The following MICAL2 variants were observed in gnomAD, a reference collection of about 807,000 sequenced individuals.
The protein encoded by MICAL2 is [F-actin]-monooxygenase MICAL2.
In MICAL2, 77 loss-of-function variants were observed where a neutral mutation model predicts 127.3. The ratio of observed to expected loss-of-function variants is 0.60; its 90% CI spans 0.50 to 0.73. The LOEUF (loss-of-function observed/expected upper bound fraction) is 0.73, where lower values mean the gene tolerates loss of function less well. MICAL2 is among the 30% of genes least tolerant of loss of function. The pLI, the probability that MICAL2 is intolerant of heterozygous loss-of-function variation, is 0.00. For missense variants in MICAL2, 1,351 were observed against 1,434.4 expected (o/e 0.94, Z 0.94); for synonymous variants, 570 against 551.1 (o/e 1.03, Z -0.48).
chr11:12,284,600 T>C (rs891931464), intron 2 of MICAL2, among the ~76,000 whole-genome samples: 1 of 152,118 alleles, frequency 6.6e-6, no homozygotes, highest in African/African-American at 2.4e-5. Flanking sequence ...GAAGAAGCAA[T>C]TAGAGCTTTA....
At chr11:12,191,810 A>G (rs998933109) in intron 3 of MICAL2, among the ~76,000 whole-genome samples, 1 of 152,118 alleles carries the variant, frequency 6.6e-6, no homozygotes, top group African/African-American at 2.4e-5. Flanking sequence ...GGTTATGATA[A>G]GCACCATGCA....
intron 15 of MICAL2, among the ~76,000 whole-genome samples, chr11:12,230,536 C>G (rs2134369499): frequency 6.6e-6 from 1 of 152,290 alleles, no homozygotes; most frequent in East Asian, 1.9e-4. Flanking sequence ...TTCCTCCCTG[C>G]CCCTCCCTAA....
At chr11:12,295,454 T>TTTTC (rs1863974994), downstream of MICAL2, among the ~76,000 whole-genome samples, 1 of 101,586 alleles carries the variant, frequency 9.8e-6, no homozygotes, top group Admixed American at 9.9e-5. Flanking sequence ...TTTTTTTTTT[T>TTTTC]TTTCTTTTTT....
At chr11:12,132,891 G>A (rs928127040) in intron 1 of MICAL2, among the ~76,000 whole-genome samples, 2 of 152,152 alleles carry the variant, frequency 1.3e-5, no homozygotes, top group African/African-American at 4.8e-5. Context: ...TACTCCACTG[G>A]TTATTTAGTT....
intron 15 of MICAL2, 80 bp from the exon 16 acceptor site, chr11:12,236,097 C>T (rs943742863): frequency 2.3e-5 from 28 of 1,244,076 alleles, no homozygotes; most frequent in Admixed American, 6.8e-5. Flanking sequence ...TCAAAGCCAG[C>T]CCTATGCCCT....
chr11:12,131,812 T>G (rs1474031224), intron 1 of MICAL2, among the ~76,000 whole-genome samples: 1 of 152,184 alleles, frequency 6.6e-6, no homozygotes, highest in Non-Finnish European at 1.5e-5. Flanking sequence ...AGTCTCATTT[T>G]CTCATTTGAG....
chr11:12,307,968 C>T (rs1864132227), intron 29 of MICAL2: 1 of 152,284 alleles, frequency 6.6e-6, no homozygotes. Flanking sequence ...CTACAGCCTC[C>T]AACTCCTGGG....
At chr11:12,155,424 A>G (rs1311689513) in intron 2 of MICAL2, among the ~76,000 whole-genome samples, 1 of 152,212 alleles carries the variant, frequency 6.6e-6, no homozygotes, top group East Asian at 1.9e-4. Flanking sequence ...CCATATATAC[A>G]CAAACATGCA....
At chr11:12,221,594 G>C (rs1457561623) in intron 9 of MICAL2, 50 bp from the exon 10 acceptor site, 1 of 1,317,800 alleles carries the variant, frequency 7.6e-7, no homozygotes, top group Non-Finnish European at 1.1e-6. Flanking sequence ...TGAGATCATA[G>C]ATCGGGAGTC....
At chr11:12,288,689 G>C (rs1863857081), downstream of MICAL2, among the ~76,000 whole-genome samples, 2 of 152,212 alleles carry the variant, frequency 1.3e-5, no homozygotes, top group South Asian at 4.1e-4. Flanking sequence ...CTGAATCAAT[G>C]AATGAAGTAA....
chr11:12,147,891 G>A (rs999247351), intron 2 of MICAL2, among the ~76,000 whole-genome samples: 2 of 152,170 alleles, frequency 1.3e-5, no homozygotes, highest in Non-Finnish European at 2.9e-5. Flanking sequence ...TCGGGAACAG[G>A]CCCAGGAAAC....
At chr11:12,330,822 G>GAGAGAGAGAGAGAGA (rs1555022632) in intron 32 of MICAL2, among the ~76,000 whole-genome samples, 3 of 129,518 alleles carry the variant, frequency 2.3e-5, no homozygotes, top group Admixed American at 1.6e-4. Flanking sequence ...AGAGAGAGAG[G>GAGAGAGAGAGAGAGA]GAGAGACAGA....
intron 3 of MICAL2, among the ~76,000 whole-genome samples, chr11:12,179,004 C>T (rs1242482386): frequency 1.3e-5 from 2 of 152,196 alleles, no homozygotes; most frequent in Non-Finnish European, 2.9e-5. Flanking sequence ...TCACACCTGC[C>T]AGCCTCTGGG....
intron 1 of MICAL2, chr11:12,276,365 A>G (rs1247085562): frequency 2.6e-6 from 1 of 391,884 alleles, no homozygotes; most frequent in African/African-American, 2.1e-5. Context: ...TGTTAAGTGT[A>G]TAGAACAGTG....
intron 22 of MICAL2, chr11:12,253,512 A>G (rs1410876324): frequency 6.6e-6 from 1 of 152,154 alleles, no homozygotes; most frequent in Non-Finnish European, 1.5e-5. Flanking sequence ...AGCAAGGTAT[A>G]AGAAAAAAAC....
rs755445166 is a variant in MICAL2 at position 12,222,698 on chromosome 11, G to C, written c.1404G>C (p.Gly468=). 1 of 1,614,198 alleles carries C rather than the reference G, an allele frequency of 6.2e-7. No individual in the cohort carries two copies. The highest frequency in any genetic ancestry group is 8.5e-7 in the Non-Finnish European group (1 of 1,180,030). The change falls in exon 11 of 28, where the codon GGG becomes GGC. Residue 468 remains glycine (G), a synonymous_variant. Coordinates refer to ENST00000683283, the MANE Select transcript of MICAL2 (RefSeq NM_001282663.2). The part of the protein sequence containing the change: ...KNFEQYTLDP[G]TRYPNLNSHC... ...TTGAGCAGTACACGTTGGACCCAGG[G>C]ACACGGTACCCAAACCTCAACTCAC...
intron 11 of MICAL2, among the ~76,000 whole-genome samples, chr11:12,223,125 C>T (rs1222961084): frequency 1.3e-5 from 2 of 152,212 alleles, no homozygotes; most frequent in Non-Finnish European, 2.9e-5. Flanking sequence ...CTCTCAACCT[C>T]TTTGGTCAAT....
At chr11:12,287,790 C>A (rs1863845309), downstream of MICAL2, among the ~76,000 whole-genome samples, 1 of 152,172 alleles carries the variant, frequency 6.6e-6, no homozygotes, top group South Asian at 2.1e-4. Context: ...TCTAGGCAGG[C>A]CGGGGATCCA....
chr11:12,151,646 A>G (rs1257661096), intron 2 of MICAL2, among the ~76,000 whole-genome samples: 2 of 152,312 alleles, frequency 1.3e-5, no homozygotes, highest in Admixed American at 1.3e-4. Flanking sequence ...TGGCTCACCA[A>G]CTTCAACACA....
Sources: gnomAD v4.1 joint callset for allele counts (sites outside exome capture counted in the v4.1 genomes callset) on GRCh38, gnomAD v4.1.1 for gene constraint, MANE v1.5 for transcripts, NCBI Gene and HGNC (gene_info 2026-07-23, HGNC 2026-07-21) for gene names.